Variants in TMEM167A observed in about 807,000 individuals in gnomAD.
TMEM167A encodes the protein protein kish-A.
In TMEM167A, 8 loss-of-function variants were observed where a neutral mutation model predicts 11.6. The ratio of observed to expected loss-of-function variants is 0.69; its 90% confidence interval spans 0.40 to 1.24. TMEM167A has a LOEUF of 1.24. Among genes scored for constraint, TMEM167A ranks in the 50% most tolerant of loss-of-function variants. The probability of loss-of-function intolerance (pLI) is 0.01; values close to 1 mark genes in which losing one functional copy is unlikely to be tolerated. For missense variants in TMEM167A, 62 were observed against 87.0 expected, an observed-to-expected ratio of 0.71 and a Z score of 1.14; for synonymous variants, 22 against 28.0, an observed-to-expected ratio of 0.79 and a Z score of 0.67.
At chr5:83,070,445 T>C (rs1223351212) in intron 1 of TMEM167A, among the ~76,000 whole-genome samples, 1 of 152,204 alleles carries the variant, frequency 6.6e-6, no homozygotes, top group South Asian at 2.1e-4. Context: ...ACTAGTGTTA[T>C]TGAACTGAGT....
chr5:83,064,188 T>C (rs1178957115), intron 2 of TMEM167A: 1 of 510,974 alleles, frequency 2.0e-6, no homozygotes, highest in Non-Finnish European at 3.9e-6. Context: ...AAAATAGGCA[T>C]GCTCTTTTTG....
Position 83,061,885 on chromosome 5 carries a change from G to C in TMEM167A, c.140C>G (p.Ala47Gly). Reference sequence around the variant, plus strand: ...AGATTATAGACACTTACCAATTCTGGCACACTTCCAAAATATACCCAACAA... The same window carrying C: ...AGATTATAGACACTTACCAATTCTGCCACACTTCCAAAATATACCCAACAA... ...TGLLGIFWKC[A>G]RIGERKSPYV... The change falls in exon 3 of 4, where the codon GCC (alanine) becomes GGC (glycine). Residue 47 changes from alanine (A) to glycine (G), a missense_variant. Ala to Gly is a moderately conservative substitution (Grantham distance 60). Transcript: ENST00000502346. 6.2e-7 allele frequency: 1 copy of C among 1,612,468 alleles called. No homozygotes were observed. The highest frequency in any genetic ancestry group is 8.5e-7 in the Non-Finnish European group (1 of 1,178,814).
intron 1 of TMEM167A, among the ~76,000 whole-genome samples, chr5:83,071,991 G>A (rs1017586120): frequency 2.0e-5 from 3 of 152,182 alleles, no homozygotes; most frequent in African/African-American, 7.2e-5. Flanking sequence ...TTTTAAAAAT[G>A]TACAGAGACA....
intron 1 of TMEM167A, among the ~76,000 whole-genome samples, chr5:83,069,585 A>G (rs947405696): frequency 6.6e-6 from 1 of 151,972 alleles, no homozygotes; most frequent in Non-Finnish European, 1.5e-5. Flanking sequence ...CATGCGTCCA[A>G]TCTCAACTCA....
At position 83,053,866 on chromosome 5, in the gene TMEM167A, A is replaced by C. The variant is rs1744292636; in HGVS notation, c.*3218T>G. ...TTATCTGAATAATAAATGCCATCAC[A>C]TTGTACTTTTAATACATACTTCATC... On this transcript the variant is annotated 3_prime_UTR_variant, in exon 4 of 4. Coordinates refer to ENST00000502346, the MANE Select transcript of TMEM167A (RefSeq NM_174909.5). 6.6e-6 allele frequency: 1 copy of C among 152,002 alleles called. No individual in the cohort carries two copies. The allele number at this position is 152,002 out of a possible 1,614,324, so 9.4% of individuals were successfully genotyped here. A position where few individuals can be genotyped will look rare whatever the true frequency, so the allele number is the denominator to read the frequency against.
chr5:83,056,810 A>G lies in TMEM167A; in HGVS notation c.*274T>C. 1 of 438,652 alleles carries G rather than the reference A, an allele frequency of 2.3e-6. No homozygotes were observed. Among genetic ancestry groups the G allele is most frequent in the Non-Finnish European group, 4.1e-6 (1 of 246,274 alleles). The allele number at this position is 438,652 out of a possible 1,614,324, so 27.2% of individuals were successfully genotyped here. ...ATGTGCCTTAGAGATACCTCACTAA[A>G]ATTTTGTATCTGATACAACAGAATA... On this transcript the variant is annotated 3_prime_UTR_variant, in exon 4 of 4. Transcript: ENST00000502346.
chr5:83,063,313 A>G (rs995726982), intron 2 of TMEM167A, among the ~76,000 whole-genome samples: 2 of 152,104 alleles, frequency 1.3e-5, no homozygotes, highest in African/African-American at 2.4e-5. Context: ...GATTACACGG[A>G]AAGTCCTTAG....
At chr5:83,067,837 T>C (rs564202456) in intron 1 of TMEM167A, among the ~76,000 whole-genome samples, 54 of 152,300 alleles carry the variant, frequency 3.5e-4, no homozygotes, top group Non-Finnish European at 7.1e-4. Flanking sequence ...TCAACTTTTC[T>C]AGATTTCTCA....
At chr5:83,073,745 G>C (rs1377227882) in intron 1 of TMEM167A, among the ~76,000 whole-genome samples, 1 of 152,214 alleles carries the variant, frequency 6.6e-6, no homozygotes, top group Admixed American at 6.5e-5. Flanking sequence ...TGAAGACAAC[G>C]TGCAATTGGG....
intron 2 of TMEM167A, 27 bp from the exon 3 acceptor site, chr5:83,061,938 G>A (rs776607036): frequency 3.1e-6 from 5 of 1,591,438 alleles, no homozygotes; most frequent in African/African-American, 1.3e-5. Flanking sequence ...AAGAAAAAAA[G>A]TAGCTATTGA....
intron 3 of TMEM167A, 76 bp from the exon 4 acceptor site, chr5:83,057,230 A>T: frequency 7.3e-7 from 1 of 1,365,144 alleles, no homozygotes; most frequent in East Asian, 2.3e-5. Context: ...TACTACCATA[A>T]GAATCAAGAT....
intron 1 of TMEM167A, among the ~76,000 whole-genome samples, chr5:83,076,004 CTTATAT>C (rs1229616464): frequency 6.6e-6 from 1 of 152,162 alleles, no homozygotes; most frequent in East Asian, 1.9e-4. Context: ...AATTTATGTA[CTTATAT>C]TTATAAGAAA....
rs1409722236 is a variant in TMEM167A at position 83,067,391 on chromosome 5, C to A, written c.4-2274G>T. 6.6e-5 allele frequency among the ~76,000 whole-genome samples: 10 copies of A among 152,148 alleles called. 1 individual carries two copies. The highest frequency in any genetic ancestry group is 6.5e-4 in the Admixed American group (10 of 15,272). On this transcript the variant is annotated intron_variant, in intron 1 of 3. Coordinates refer to ENST00000502346, the MANE Select transcript of TMEM167A (RefSeq NM_174909.5). ...TTCTCAAGGACAAAAAGTGCTTATG[C>A]ACAATGCTAAGCAGTAGGCAAAAGG...
chr5:83,077,236 G>T (rs201509589), intron 1 of TMEM167A, 85 bp downstream of exon 1: 1 of 1,604,964 alleles, frequency 6.2e-7, no homozygotes. Flanking sequence ...CACACACCCC[G>T]GGCTGCCGCA....
At chr5:83,060,637 C>T (rs1044357907) in intron 3 of TMEM167A, among the ~76,000 whole-genome samples, 1 of 151,966 alleles carries the variant, frequency 6.6e-6, no homozygotes, top group Admixed American at 6.5e-5. Flanking sequence ...GGAGAGCAGC[C>T]TGGCCGACAT....
intron 1 of TMEM167A, among the ~76,000 whole-genome samples, chr5:83,075,652 G>C (rs1281595321): frequency 2.0e-5 from 3 of 151,968 alleles, no homozygotes; most frequent in Non-Finnish European, 4.4e-5. Flanking sequence ...GGCTGAGGCA[G>C]GAGAATTGCT....
intron 1 of TMEM167A, among the ~76,000 whole-genome samples, chr5:83,067,044 C>G (rs1447761575): frequency 6.6e-6 from 1 of 152,054 alleles, no homozygotes; most frequent in Non-Finnish European, 1.5e-5. Flanking sequence ...ACCAATTACC[C>G]AATTTCAGTT....
At position 83,065,125 on chromosome 5, in the gene TMEM167A, G is replaced by GAAAAA; in HGVS notation, c.4-13_4-9dup. On this transcript the variant is annotated splice_polypyrimidine_tract_variant and intron_variant, in intron 1 of 3. Transcript: ENST00000502346. ...AAAATTGAAAATGGCAGACTAAAAA[G>GAAAAA]AAAAAAAAAAAAGAAAAATTAATAT... 1 of 1,072,776 alleles carries GAAAAA rather than the reference G, an allele frequency of 9.3e-7. No individual in the cohort carries two copies. Among genetic ancestry groups the GAAAAA allele is most frequent in the Non-Finnish European group, 1.3e-6 (1 of 791,906 alleles). 66.5% of individuals were successfully genotyped at this position (1,072,776 alleles called of 1,614,324 possible). A position where few individuals can be genotyped will look rare whatever the true frequency, so the allele number is the denominator to read the frequency against.
chr5:83,053,278 A>T lies in TMEM167A; in HGVS notation c.*3806T>A, dbSNP rs1203403790. On this transcript the variant is annotated 3_prime_UTR_variant, in exon 4 of 4. Transcript: ENST00000502346. ...AAGCGTAAGTCCTTGCTTTTTGAGA[A>T]TTTTTTTTTGTGCACCCAGGAAATG... 6.6e-6 allele frequency: 1 copy of T among 151,358 alleles called. No individual in the cohort carries two copies. The highest frequency in any genetic ancestry group is 1.5e-5 in the Non-Finnish European group (1 of 67,718). 9.4% of individuals were successfully genotyped at this position (151,358 alleles called of 1,614,324 possible).
Sources: gnomAD v4.1 joint callset for allele counts (sites outside exome capture counted in the v4.1 genomes callset) on GRCh38, gnomAD v4.1.1 for gene constraint, MANE v1.5 for transcripts, NCBI Gene and HGNC (gene_info 2026-07-23, HGNC 2026-07-21) for gene names.